The following PDE10A variants were observed in gnomAD, a reference collection of about 807,000 sequenced individuals.
PDE10A encodes the protein phosphodiesterase 10A, also known as cAMP and cAMP-inhibited cGMP 3',5'-cyclic phosphodiesterase 10A.
PDE10A carries 39 observed loss-of-function variants against 97.7 expected under a neutral mutation model. The ratio of observed to expected loss-of-function variants is 0.40; its 90% CI spans 0.31 to 0.52. The LOEUF (loss-of-function observed/expected upper bound fraction) is 0.52. Ranked by LOEUF, PDE10A falls within the 20% of genes least tolerant of loss-of-function variation. PDE10A has a pLI of 0.56. For synonymous variants in PDE10A, 371 were observed against 376.8 expected (o/e 0.98, Z 0.18); for missense variants, 731 against 1,047.8 (o/e 0.70, Z 4.17).
At chr6:165,709,325 CG>C (rs1001963155) in intron 1 of PDE10A, among the ~76,000 whole-genome samples, 1 of 140,390 alleles carries the variant, frequency 7.1e-6, no homozygotes, top group African/African-American at 2.7e-5. Flanking sequence ...CCCACTCCAC[CG>C]CTATGCTGTG....
At position 165,348,346 on chromosome 6, in the gene PDE10A, T is replaced by C. The variant is rs967561635; in HGVS notation, c.2784-4844A>G. Reference sequence around the variant, plus strand: ...AAAAGGATACTTTTATCTGATATCATAGCTTAAAACGCACCATGGTCTTTT... The same window carrying C: ...AAAAGGATACTTTTATCTGATATCACAGCTTAAAACGCACCATGGTCTTTT... On this transcript the variant is annotated intron_variant, in intron 18 of 21. Transcript: ENST00000539869. 4.6e-5 allele frequency among the ~76,000 whole-genome samples: 7 copies of C among 150,682 alleles called. No homozygotes were observed. The East Asian group carries it at 5.8e-4, about 12-fold the overall frequency.
chr6:165,383,979 A>C (rs1291726702), intron 17 of PDE10A, among the ~76,000 whole-genome samples: 1 of 152,152 alleles, frequency 6.6e-6, no homozygotes, highest in Non-Finnish European at 1.5e-5. Flanking sequence ...ATACGGTCTG[A>C]AACTACAGAA....
intron 17 of PDE10A, among the ~76,000 whole-genome samples, chr6:165,386,070 T>G (rs1320364222): frequency 6.6e-6 from 1 of 152,224 alleles, no homozygotes; most frequent in Non-Finnish European, 1.5e-5. Context: ...CTGTCTGAAC[T>G]TAACTTACTG....
intron 1 of PDE10A, among the ~76,000 whole-genome samples, chr6:165,606,508 A>G (rs1226099298): frequency 6.6e-6 from 1 of 152,154 alleles, no homozygotes; most frequent in East Asian, 1.9e-4. Flanking sequence ...CGCCTATTAA[A>G]AACTTCCACG....
At chr6:165,804,344 G>A (rs559714464) in intron 1 of PDE10A, among the ~76,000 whole-genome samples, 12 of 152,322 alleles carry the variant, frequency 7.9e-5, no homozygotes, top group Non-Finnish European at 1.5e-4. Flanking sequence ...CTACAGGAAT[G>A]TGCTTCAAAT....
intron 1 of PDE10A, among the ~76,000 whole-genome samples, chr6:165,557,612 T>C (rs1562578641): frequency 6.7e-6 from 1 of 149,604 alleles, no homozygotes; most frequent in African/African-American, 2.5e-5. Context: ...GTTTTCTACA[T>C]AAATAAGCTG....
At chr6:165,779,775 G>A (rs1044096977) in intron 1 of PDE10A, among the ~76,000 whole-genome samples, 1 of 152,132 alleles carries the variant, frequency 6.6e-6, no homozygotes, top group Non-Finnish European at 1.5e-5. Context: ...TCTCCCAGGG[G>A]CTCCCTGCAC....
At chr6:165,684,139 C>A (rs1791052125) in intron 1 of PDE10A, among the ~76,000 whole-genome samples, 1 of 152,188 alleles carries the variant, frequency 6.6e-6, no homozygotes, top group African/African-American at 2.4e-5. Flanking sequence ...CCTATTTCCT[C>A]CCCTGCCTCC....
chr6:165,755,972 C>T (rs756255070), intron 1 of PDE10A, among the ~76,000 whole-genome samples: 4 of 152,200 alleles, frequency 2.6e-5, no homozygotes, highest in Non-Finnish European at 5.9e-5. Flanking sequence ...TGTCTGGTGG[C>T]AGGTTCCCGG....
At chr6:165,471,021 T>C (rs1778969281) in intron 3 of PDE10A, among the ~76,000 whole-genome samples, 1 of 152,158 alleles carries the variant, frequency 6.6e-6, no homozygotes, top group East Asian at 1.9e-4. Flanking sequence ...ATTGTATCTA[T>C]TGCTGCCTAC....
intron 2 of PDE10A, among the ~76,000 whole-genome samples, chr6:165,487,432 A>G (rs1028807502): frequency 6.6e-6 from 1 of 152,222 alleles, no homozygotes; most frequent in Admixed American, 6.5e-5. Flanking sequence ...GGTGAGTTGT[A>G]CCATTATTTC....
chr6:165,796,157 G>T (rs1455915366), intron 1 of PDE10A, among the ~76,000 whole-genome samples: 8 of 130,364 alleles, frequency 6.1e-5, no homozygotes, highest in Non-Finnish European at 1.1e-4. Context: ...GTGCAGTGCC[G>T]CAATCTCGGC....
At chr6:165,651,747 C>G (rs916459517) in intron 1 of PDE10A, among the ~76,000 whole-genome samples, 8 of 151,978 alleles carry the variant, frequency 5.3e-5, no homozygotes, top group African/African-American at 1.9e-4. Context: ...TTTATGATTT[C>G]CTTTTTGCAT....
rs529721677 is a variant in PDE10A, at chr6:165,443,949, G to A, written c.1194+4979C>T. On this transcript the variant is annotated intron_variant, in intron 5 of 21. Coordinates refer to ENST00000539869, the MANE Select transcript of PDE10A (RefSeq NM_001385079.1). The stretch of plus-strand genomic sequence containing the variant: ...CTTGGTGATTAATATTCGGCTCCTC[G>A]TATGCAAATTTCTGCAGCCAGTGGC... Among the ~76,000 whole-genome samples the A allele has an allele frequency of 2.9e-4, 44 of 152,250 alleles. No homozygotes were observed. The South Asian group carries it at 8.3e-3, about 29-fold the overall frequency.
At chr6:165,712,993 C>T (rs1791939163) in intron 1 of PDE10A, among the ~76,000 whole-genome samples, 1 of 152,228 alleles carries the variant, frequency 6.6e-6, no homozygotes, top group Non-Finnish European at 1.5e-5. Context: ...TCTTTGCAAT[C>T]TGAAATACTT....
At chr6:165,619,629 A>T (rs192148498) in intron 1 of PDE10A, among the ~76,000 whole-genome samples, 8 of 124,050 alleles carry the variant, frequency 6.4e-5, no homozygotes, top group Non-Finnish European at 1.0e-4. Context: ...GTACTGTAGT[A>T]TAGTGTAGTG....
At position 165,330,112 on chromosome 6, in the gene PDE10A, T is replaced by C. The variant is rs1369784242; in HGVS notation, c.*2913A>G. Reference sequence around the variant, plus strand: ...GTGTCCAAAAAGATAATGGAATAATTGCATATGACCATAAAACTTGTCTAT... The same window carrying C: ...GTGTCCAAAAAGATAATGGAATAATCGCATATGACCATAAAACTTGTCTAT... On this transcript the variant is annotated 3_prime_UTR_variant, in exon 22 of 22. Coordinates refer to ENST00000539869, the MANE Select transcript of PDE10A (RefSeq NM_001385079.1). 1.3e-5 allele frequency: 2 copies of C among 152,222 alleles called. No homozygotes were observed. Among genetic ancestry groups the C allele is most frequent in the Non-Finnish European group, 2.9e-5 (2 of 68,026 alleles). 9.4% of individuals were successfully genotyped at this position (152,222 alleles called of 1,614,324 possible). A position where few individuals can be genotyped will look rare whatever the true frequency, so the allele number is the denominator to read the frequency against.
At position 165,339,901 on chromosome 6, in the gene PDE10A, G is replaced by A. The variant is rs148175878; in HGVS notation, c.2896-543C>T. 1.1e-3 allele frequency among the ~76,000 whole-genome samples: 160 copies of A among 152,050 alleles called. 1 individual carries two copies. Among genetic ancestry groups the A allele is most frequent in the African/African-American group, 3.6e-3 (151 of 41,438 alleles). Reference sequence around the variant, plus strand: ...ACTATGTTAGTTACTGAAGGTTCACGTACAGTTACAGGTAATAGTTACTAA... The same window carrying A: ...ACTATGTTAGTTACTGAAGGTTCACATACAGTTACAGGTAATAGTTACTAA... On this transcript the variant is annotated intron_variant, in intron 19 of 21. Coordinates refer to ENST00000539869, the MANE Select transcript of PDE10A (RefSeq NM_001385079.1).
intron 3 of PDE10A, among the ~76,000 whole-genome samples, chr6:165,462,770 C>G (rs1042510719): frequency 1.3e-5 from 2 of 152,194 alleles, no homozygotes; most frequent in African/African-American, 4.8e-5. Flanking sequence ...GCAGTGATCA[C>G]CACTGCCATG....
Sources: gnomAD v4.1 joint callset for allele counts (sites outside exome capture counted in the v4.1 genomes callset) on GRCh38, gnomAD v4.1.1 for gene constraint, MANE v1.5 for transcripts, NCBI Gene and HGNC (gene_info 2026-07-23, HGNC 2026-07-21) for gene names.